RIC1: variants seen among roughly 807,000 people sequenced by gnomAD.
The protein encoded by RIC1 is guanine nucleotide exchange factor subunit RIC1.
A neutral mutation model predicts 169.0 loss-of-function variants in RIC1; 88 were observed. The observed-to-expected ratio is 0.52, with a 90% CI of 0.44 to 0.62. RIC1 has a LOEUF of 0.62. Among genes scored for constraint, RIC1 ranks in the 20% least tolerant of loss-of-function variants. The probability of loss-of-function intolerance (pLI) is 0.00; values close to 1 mark genes in which losing one functional copy is unlikely to be tolerated. For synonymous variants in RIC1, 790 were observed against 601.5 expected (o/e 1.31, Z -4.59); for missense variants, 1,877 against 1,725.5 (o/e 1.09, Z -1.56).
chr9:5,764,938 C>G (rs904546312), intron 19 of RIC1: 2 of 152,704 alleles, frequency 1.3e-5, no homozygotes, highest in Non-Finnish European at 2.9e-5. Context: ...ATGGAGGATT[C>G]TGAATGTGCA....
chr9:5,655,828 T>G (rs1178801100), intron 1 of RIC1, among the ~76,000 whole-genome samples: 1 of 152,018 alleles, frequency 6.6e-6, no homozygotes, highest in Non-Finnish European at 1.5e-5. Context: ...GTTGAGAGGT[T>G]TTATATCTAT....
chr9:5,657,088 C>G (rs1421954198), intron 2 of RIC1, among the ~76,000 whole-genome samples: 1 of 152,122 alleles, frequency 6.6e-6, no homozygotes, highest in Non-Finnish European at 1.5e-5. Context: ...GTTGTTCTCA[C>G]TTTACTGTTT....
chr9:5,630,921 A>G (rs1817686357), intron 1 of RIC1, among the ~76,000 whole-genome samples: 2 of 152,254 alleles, frequency 1.3e-5, no homozygotes, highest in Admixed American at 1.3e-4. Context: ...TAGAACTTGA[A>G]TTTAAATTGT....
chr9:5,723,614 T>C (rs1308158243), intron 6 of RIC1, among the ~76,000 whole-genome samples: 2 of 152,234 alleles, frequency 1.3e-5, no homozygotes, highest in South Asian at 2.1e-4. Context: ...TTTGGTGTTT[T>C]AGTCATGAAG....
intron 25 of RIC1, chr9:5,773,346 C>T (rs541659476): frequency 1.8e-5 from 3 of 171,146 alleles, no homozygotes; most frequent in Non-Finnish European, 3.7e-5. Flanking sequence ...AAGATTGATG[C>T]AGTGCAAATG....
chr9:5,752,307 C>G (rs548224325), intron 12 of RIC1, among the ~76,000 whole-genome samples: 1 of 152,134 alleles, frequency 6.6e-6, no homozygotes, highest in South Asian at 2.1e-4. Flanking sequence ...AAAATAATAG[C>G]TTACATACAC....
chr9:5,655,249 T>C (rs1403303713), intron 1 of RIC1, among the ~76,000 whole-genome samples: 4 of 152,178 alleles, frequency 2.6e-5, no homozygotes, highest in Non-Finnish European at 5.9e-5. Context: ...CGAGAGGTTT[T>C]TTTAAAATCA....
intron 2 of RIC1, among the ~76,000 whole-genome samples, chr9:5,685,460 G>C (rs1429711956): frequency 6.7e-6 from 1 of 149,404 alleles, no homozygotes; most frequent in Non-Finnish European, 1.5e-5. Context: ...AGAGCCCTCA[G>C]AAATAACGCC....
At chr9:5,633,688 G>C (rs1008414141) in intron 1 of RIC1, among the ~76,000 whole-genome samples, 42 of 152,090 alleles carry the variant, frequency 2.8e-4, no homozygotes, top group African/African-American at 9.7e-4. Context: ...CTAATTAACA[G>C]ATCCACCATC....
At chr9:5,701,737 G>C (rs922484410) in intron 3 of RIC1, among the ~76,000 whole-genome samples, 10 of 152,074 alleles carry the variant, frequency 6.6e-5, no homozygotes, top group Admixed American at 5.9e-4. Context: ...GAATATGGTA[G>C]GTAGTGCATG....
In RIC1 at chr9:5,718,139, C is replaced by CAAA. The variant is rs35477806; in HGVS notation, c.441-2018_441-2016dup. Among the ~76,000 whole-genome samples the CAAA allele has an allele frequency of 5.6e-3, 158 of 28,088 alleles. 56 individuals are homozygous for CAAA. Among genetic ancestry groups the CAAA allele is most frequent in the South Asian group, 0.03 (15 of 508 alleles). 18.4% of individuals were successfully genotyped at this position (28,088 alleles called of 152,430 possible). A position where few individuals can be genotyped will look rare whatever the true frequency, so the allele number is the denominator to read the frequency against. Reference sequence around the variant, plus strand: ...TGGGCAACAGAGCAAGACTCCGTCTCAAAAAAAAAAAAAAAAAAAAAAAAA... The same window carrying CAAA: ...TGGGCAACAGAGCAAGACTCCGTCTCAAAAAAAAAAAAAAAAAAAAAAAAAAAA... On this transcript the variant is annotated intron_variant, in intron 4 of 25. Transcript: ENST00000414202.
At chr9:5,629,532 A>T in intron 1 of RIC1, 79 bp downstream of exon 1, 4 of 1,415,538 alleles carry the variant, frequency 2.8e-6, no homozygotes, top group Non-Finnish European at 3.7e-6. Flanking sequence ...TTCCACCCAG[A>T]GCCTAGGACT....
At position 5,753,612 on chromosome 9, in the gene RIC1, C is replaced by T. The variant is rs781539842; in HGVS notation, c.1568C>T (p.Thr523Ile). ...KFGFAHYSLLTKKWKLFGNIT... is the reference protein window; with the variant it reads ...KFGFAHYSLLIKKWKLFGNIT... ...GGTTTTGCACATTACTCTTTACTCA[C>T]CAAAAAATGGAAACTTTTTGGAAAC... Residue 523 changes from threonine (T) to isoleucine (I), a missense_variant, in exon 14 of 26, where the codon ACC becomes ATC. By Grantham distance (89) the Thr-to-Ile change is moderately conservative. Coordinates refer to ENST00000414202, the MANE Select transcript of RIC1 (RefSeq NM_020829.4). 1 of 1,606,118 alleles carries T rather than the reference C, an allele frequency of 6.2e-7. No homozygotes were observed. Among genetic ancestry groups the T allele is most frequent in the Non-Finnish European group, 8.5e-7 (1 of 1,176,184 alleles).
intron 7 of RIC1, among the ~76,000 whole-genome samples, chr9:5,737,336 A>G (rs1824778275): frequency 6.6e-6 from 1 of 152,168 alleles, no homozygotes; most frequent in African/African-American, 2.4e-5. Context: ...ATATACACAA[A>G]AAAGCATATA....
At chr9:5,736,206 C>T (rs759586579) in intron 7 of RIC1, among the ~76,000 whole-genome samples, 14 of 152,172 alleles carry the variant, frequency 9.2e-5, no homozygotes, top group Non-Finnish European at 2.1e-4. Context: ...ACCTGCTACC[C>T]ACTTAGTGCT....
chr9:5,664,399 G>A (rs910064314), intron 2 of RIC1, among the ~76,000 whole-genome samples: 2 of 151,470 alleles, frequency 1.3e-5, no homozygotes, highest in East Asian at 1.9e-4. Context: ...GCAACGGAGC[G>A]AGACTCTGTC....
chr9:5,711,344 T>C (rs1432484778), intron 3 of RIC1, among the ~76,000 whole-genome samples: 1 of 152,094 alleles, frequency 6.6e-6, no homozygotes, highest in African/African-American at 2.4e-5. Context: ...TCATATACTA[T>C]ATCATTCAAC....
chr9:5,633,570 A>C (rs938750919), intron 1 of RIC1, among the ~76,000 whole-genome samples: 3 of 152,014 alleles, frequency 2.0e-5, no homozygotes, highest in Admixed American at 6.6e-5. Context: ...CTGCTTCCCC[A>C]CTACTGCCAG....
chr9:5,641,566 C>T (rs1011702474), intron 1 of RIC1, among the ~76,000 whole-genome samples: 2 of 151,970 alleles, frequency 1.3e-5, no homozygotes, highest in African/African-American at 4.8e-5. Context: ...TTATATTTGC[C>T]CTTTTCATGC....
Sources: gnomAD v4.1 joint callset for allele counts (sites outside exome capture counted in the v4.1 genomes callset) on GRCh38, gnomAD v4.1.1 for gene constraint, MANE v1.5 for transcripts, NCBI Gene and HGNC (gene_info 2026-07-23, HGNC 2026-07-21) for gene names.